The following SMIM14 variants were observed in gnomAD, a reference collection of about 807,000 sequenced individuals.
SMIM14 encodes the protein chromosome 4 open reading frame 34.
A neutral mutation model predicts 12.6 loss-of-function variants in SMIM14; 5 were observed. The observed-to-expected ratio is 0.40, with a 90% CI of 0.21 to 0.83. The LOEUF is 0.83. Ranked by LOEUF, SMIM14 falls within the 40% of genes least tolerant of loss-of-function variation. SMIM14 has a pLI of 0.37. For missense variants in SMIM14, 86 were observed against 119.1 expected (o/e 0.72, Z 1.29); for synonymous variants, 30 against 40.1 (o/e 0.75, Z 0.95).
chr4:39,565,949 T>C (rs6846635), intron 3 of SMIM14, among the ~76,000 whole-genome samples: 18,673 of 151,876 alleles, frequency 0.12, 2,646 homozygotes, highest in African/African-American at 0.35. Context: ...ATGTAAGACA[T>C]GCCTTTCACC....
chr4:39,572,501 T>C (rs748858271), intron 2 of SMIM14, 38 bp from the exon 3 acceptor site: 1 of 1,522,162 alleles, frequency 6.6e-7, no homozygotes, highest in South Asian at 1.1e-5. Context: ...TGATTAGACT[T>C]AAACAAAAGT....
Position 39,597,267 on chromosome 4 carries a change from A to C in SMIM14, c.75+7804T>G, listed in dbSNP as rs28688584. On this transcript the variant is annotated intron_variant, in intron 2 of 4. Coordinates refer to ENST00000295958, the MANE Select transcript of SMIM14 (RefSeq NM_174921.3). ...GACACTCACAAAAATGAAAACCCTG[A>C]GCCTATAATCTAACTTCATCTGACA... Among the ~76,000 whole-genome samples, 686 of 151,982 alleles carry C rather than the reference A, an allele frequency of 4.5e-3. 5 individuals carry two copies. Among genetic ancestry groups the C allele is most frequent in the African/African-American group, 0.016 (651 of 41,474 alleles).
At chr4:39,591,417 C>T (rs192067723) in intron 2 of SMIM14, among the ~76,000 whole-genome samples, 252 of 152,068 alleles carry the variant, frequency 1.7e-3, no homozygotes, top group African/African-American at 4.9e-3. Flanking sequence ...GTCTAACACT[C>T]GCTGTAACTC....
chr4:39,562,490 G>GT (rs1338520535), intron 3 of SMIM14, among the ~76,000 whole-genome samples: 2 of 152,056 alleles, frequency 1.3e-5, no homozygotes, highest in African/African-American at 2.4e-5. Flanking sequence ...CAACTCTGGG[G>GT]TTTTTCTGTT....
intron 1 of SMIM14, among the ~76,000 whole-genome samples, chr4:39,617,137 A>C (rs1715256291): frequency 6.6e-6 from 1 of 152,196 alleles, no homozygotes. Context: ...ACAAAATTAC[A>C]TACATGTGTA....
intron 2 of SMIM14, among the ~76,000 whole-genome samples, chr4:39,592,483 G>T (rs193141649): frequency 6.6e-6 from 1 of 152,078 alleles, no homozygotes; most frequent in Admixed American, 6.6e-5. Context: ...TGCCCATAAA[G>T]CTTTATGAGA....
intron 4 of SMIM14, among the ~76,000 whole-genome samples, chr4:39,554,675 T>G (rs1403282288): frequency 2.9e-5 from 4 of 139,036 alleles, no homozygotes; most frequent in African/African-American, 1.2e-4. Context: ...TTTTTTTTTT[T>G]GATGCTCTAT....
At chr4:39,575,433 C>T (rs997157728) in intron 2 of SMIM14, among the ~76,000 whole-genome samples, 11 of 151,662 alleles carry the variant, frequency 7.3e-5, no homozygotes, top group African/African-American at 9.7e-5. Flanking sequence ...TGAGCTCAAG[C>T]AATCCACCCA....
intron 2 of SMIM14, among the ~76,000 whole-genome samples, chr4:39,598,441 T>C (rs1714463927): frequency 6.6e-6 from 1 of 152,322 alleles, no homozygotes; most frequent in South Asian, 2.1e-4. Flanking sequence ...ATGTCTTTTA[T>C]ATATAAATAT....
intron 2 of SMIM14, among the ~76,000 whole-genome samples, chr4:39,578,724 G>A (rs1290912835): frequency 3.9e-5 from 6 of 152,074 alleles, no homozygotes; most frequent in East Asian, 1.9e-4. Flanking sequence ...GGCTGGGCAC[G>A]GTGACTCACG....
intron 1 of SMIM14, among the ~76,000 whole-genome samples, chr4:39,626,552 G>C (rs761036130): frequency 3.2e-4 from 49 of 152,170 alleles, no homozygotes; most frequent in Non-Finnish European, 6.0e-4. Flanking sequence ...AGGGGACAAA[G>C]TAACCAGCAA....
At chr4:39,593,834 C>G (rs1354042005) in intron 2 of SMIM14, 1 of 152,120 alleles carries the variant, frequency 6.6e-6, no homozygotes, top group African/African-American at 2.4e-5. Context: ...ACCTAGGAAT[C>G]CAACTTACAA....
rs113793341 is a variant in SMIM14, at chr4:39,580,529, CT to C, written c.76-8067del. ...AAATCTTGTCTCTGTTTCTTTCTTT[CT>C]TTTTTTTTTTAGATGGAGTCTCACT... On this transcript the variant is annotated intron_variant, in intron 2 of 4. Transcript: ENST00000295958. Among the ~76,000 whole-genome samples the C allele has an allele frequency of 1.3e-3, 188 of 144,012 alleles. 1 individual carries two copies. Among genetic ancestry groups the C allele is most frequent in the East Asian group, 7.6e-3 (38 of 5,028 alleles). 94.5% of individuals were successfully genotyped at this position (144,012 alleles called of 152,430 possible).
intron 1 of SMIM14, among the ~76,000 whole-genome samples, chr4:39,620,351 C>T (rs1285098856): frequency 1.3e-5 from 2 of 151,764 alleles, no homozygotes; most frequent in Admixed American, 6.6e-5. Context: ...TGGTGGCGGG[C>T]GCCTGTAGTC....
chr4:39,622,341 C>A (rs1715531188), intron 1 of SMIM14, among the ~76,000 whole-genome samples: 1 of 152,120 alleles, frequency 6.6e-6, no homozygotes, highest in African/African-American at 2.4e-5. Flanking sequence ...CTTGGCCTCC[C>A]AAAGTGCTGG....
At chr4:39,571,118 T>C (rs1489793560) in intron 3 of SMIM14, among the ~76,000 whole-genome samples, 1 of 152,188 alleles carries the variant, frequency 6.6e-6, no homozygotes, top group Non-Finnish European at 1.5e-5. Context: ...AATATTCATC[T>C]TCCTACTGAT....
chr4:39,610,053 C>T (rs749921648), intron 1 of SMIM14, among the ~76,000 whole-genome samples: 22 of 152,142 alleles, frequency 1.4e-4, no homozygotes, highest in Non-Finnish European at 2.9e-4. Flanking sequence ...TGCAGTGGCG[C>T]GAACACACCT....
chr4:39,632,044 A>G (rs1353409519), intron 1 of SMIM14, among the ~76,000 whole-genome samples: 1 of 152,228 alleles, frequency 6.6e-6, no homozygotes, highest in Non-Finnish European at 1.5e-5. Flanking sequence ...ATACACCTAA[A>G]AATTGGTTTA....
intron 1 of SMIM14, among the ~76,000 whole-genome samples, chr4:39,608,976 TTA>T (rs1179379792): frequency 6.6e-6 from 1 of 152,082 alleles, no homozygotes; most frequent in East Asian, 1.9e-4. Flanking sequence ...ACATTTTATT[TTA>T]TTTTATGTAT....
Sources: allele counts gnomAD v4.1 joint callset (sites outside exome capture counted in the v4.1 genomes callset), GRCh38; gene constraint gnomAD v4.1.1; transcripts MANE v1.5; gene names NCBI Gene and HGNC (gene_info 2026-07-23, HGNC 2026-07-21).